Variants in AP2B1 observed in about 807,000 individuals in gnomAD.
AP2B1 encodes AP-2 complex subunit beta.
Under a neutral mutation model 102.0 loss-of-function variants are expected in AP2B1, and 23 were observed. That is an observed-to-expected ratio of 0.23 (90% confidence interval 0.16 to 0.32). AP2B1 has a LOEUF of 0.32. Ranked by LOEUF, AP2B1 falls within the 10% of genes least tolerant of loss-of-function variation. The pLI, the probability that AP2B1 is intolerant of heterozygous loss-of-function variation, is 1.00. For synonymous variants in AP2B1, 381 were observed against 421.2 expected, an observed-to-expected ratio of 0.90 and a Z score of 1.17; for missense variants, 541 against 1,157.4, an observed-to-expected ratio of 0.47 and a Z score of 7.73.
chr17:35,637,690 A>ATTT (rs11398346), intron 10 of AP2B1, among the ~76,000 whole-genome samples: 3 of 145,536 alleles, frequency 2.1e-5, no homozygotes, highest in Non-Finnish European at 3.0e-5. Context: ...CGGTTTCTAA[A>ATTT]TTTTTTTTTT....
At chr17:35,590,296 T>C (rs192989003) in intron 1 of AP2B1, among the ~76,000 whole-genome samples, 57 of 152,338 alleles carry the variant, frequency 3.7e-4, no homozygotes, top group African/African-American at 1.4e-3. Context: ...AGCATGTGAT[T>C]AAGTGTATCT....
At chr17:35,639,495 T>G (rs1013742864) in intron 10 of AP2B1, 100 bp from the exon 11 acceptor site, 2 of 1,012,374 alleles carry the variant, frequency 2.0e-6, no homozygotes. Flanking sequence ...TTTGGTGGTT[T>G]GGTTTAGGGT....
rs1331853196 is a variant in AP2B1, at chr17:35,725,119, T to G, written c.*1420T>G. The G allele has an allele frequency of 6.6e-6, 1 of 152,232 alleles. No individual in the cohort carries two copies. The highest frequency in any genetic ancestry group is 1.5e-5 in the Non-Finnish European group (1 of 68,038). The allele number at this position is 152,232 out of a possible 1,614,324, so 9.4% of individuals were successfully genotyped here. A position where few individuals can be genotyped will look rare whatever the true frequency, so the allele number is the denominator to read the frequency against. On this transcript the variant is annotated 3_prime_UTR_variant, in exon 22 of 22. Transcript: ENST00000610402. ...TCATCCCAGAGGTTCAGGCAGTTCC[T>G]GTCATCTCTGAAAAGACTGGGGGAT...
At chr17:35,638,467 G>C (rs966322219) in intron 10 of AP2B1, among the ~76,000 whole-genome samples, 4 of 152,056 alleles carry the variant, frequency 2.6e-5, no homozygotes, top group Non-Finnish European at 5.9e-5. Context: ...GTCAGTGCAG[G>C]TACCTTTAGA....
At chr17:35,694,058 T>C (rs2076091291) in intron 18 of AP2B1, among the ~76,000 whole-genome samples, 1 of 152,232 alleles carries the variant, frequency 6.6e-6, no homozygotes, top group African/African-American at 2.4e-5. Context: ...TACCCCTGGA[T>C]TGAAAAATCA....
chr17:35,636,492 T>C, intron 10 of AP2B1, 36 bp downstream of exon 10: 1 of 1,523,620 alleles, frequency 6.6e-7, no homozygotes, highest in East Asian at 2.3e-5. Context: ...TTTCTCAAAT[T>C]ACTTAGGAAA....
At chr17:35,687,687 A>G (rs1295143352) in intron 18 of AP2B1, among the ~76,000 whole-genome samples, 1 of 152,002 alleles carries the variant, frequency 6.6e-6, no homozygotes, top group East Asian at 1.9e-4. Context: ...AGTAGCTGGG[A>G]CTACAGGTGT....
intron 1 of AP2B1, among the ~76,000 whole-genome samples, chr17:35,588,119 A>T (rs2072960612): frequency 6.7e-6 from 1 of 149,652 alleles, no homozygotes; most frequent in Non-Finnish European, 1.5e-5. Context: ...GGTTTGGGAA[A>T]GGCTGTAGAT....
At chr17:35,607,990 TA>T (rs2073742989) in intron 4 of AP2B1, 151 bp from the exon 5 acceptor site, 1 of 895,420 alleles carries the variant, frequency 1.1e-6, no homozygotes, top group African/African-American at 1.7e-5. Context: ...GATTTGTACT[TA>T]GGAAAGGAAT....
In AP2B1 at chr17:35,723,884, A is replaced by G; in HGVS notation, c.*185A>G. 2.0e-6 allele frequency: 1 copy of G among 505,278 alleles called. No homozygotes were observed. Among genetic ancestry groups the G allele is most frequent in the Non-Finnish European group, 3.6e-6 (1 of 278,320 alleles). 31.3% of individuals were successfully genotyped at this position (505,278 alleles called of 1,614,324 possible). A position where few individuals can be genotyped will look rare whatever the true frequency, so the allele number is the denominator to read the frequency against. ...TGGATAGTTTTAGCTTCCTGTGAAC[A>G]TTTGTAACCACTGCTTCAGTCACCT... On this transcript the variant is annotated 3_prime_UTR_variant, in exon 22 of 22. Transcript: ENST00000610402.
Position 35,639,779 on chromosome 17 carries a change from T to C in AP2B1, c.1437+19T>C. On this transcript the variant is annotated intron_variant, in intron 11 of 21. Transcript: ENST00000610402. Reference sequence around the variant, plus strand: ...CACCCAGGTAAGTTCTTGTCTCTTGTCTATCCTAGTAGTTTTAGATGTCTT... The same window carrying C: ...CACCCAGGTAAGTTCTTGTCTCTTGCCTATCCTAGTAGTTTTAGATGTCTT... The C allele has an allele frequency of 6.2e-7, 1 of 1,609,546 alleles. No individual in the cohort carries two copies. The highest frequency in any genetic ancestry group is 8.5e-7 in the Non-Finnish European group (1 of 1,177,684).
chr17:35,717,856 A>G (rs898884047), intron 21 of AP2B1, among the ~76,000 whole-genome samples: 4 of 152,226 alleles, frequency 2.6e-5, no homozygotes, highest in Admixed American at 6.5e-5. Flanking sequence ...TTGGAAGCGT[A>G]TAAGGGGACT....
chr17:35,612,555 A>G (rs1053489298), intron 5 of AP2B1, among the ~76,000 whole-genome samples: 1 of 152,232 alleles, frequency 6.6e-6, no homozygotes, highest in Non-Finnish European at 1.5e-5. Flanking sequence ...AGTGCCTTCT[A>G]TGCCATGCAC....
At chr17:35,704,901 C>T (rs989162707) in intron 18 of AP2B1, among the ~76,000 whole-genome samples, 4 of 152,044 alleles carry the variant, frequency 2.6e-5, no homozygotes, top group Non-Finnish European at 5.9e-5. Flanking sequence ...CGTGGTGGCA[C>T]ACGCCTGTAA....
At chr17:35,605,899 C>T in intron 4 of AP2B1, 59 bp downstream of exon 4, 2 of 1,579,794 alleles carry the variant, frequency 1.3e-6, no homozygotes, top group Middle Eastern at 1.7e-4. Context: ...AACCTCTGTT[C>T]ACAAGGAAGG....
At chr17:35,680,962 T>C (rs1441130275) in intron 17 of AP2B1, among the ~76,000 whole-genome samples, 3 of 152,302 alleles carry the variant, frequency 2.0e-5, no homozygotes, top group East Asian at 3.9e-4. Context: ...CCCAAAGTGC[T>C]GAGACTACAA....
chr17:35,633,705 A>G (rs1448492157), intron 9 of AP2B1, among the ~76,000 whole-genome samples: 1 of 152,232 alleles, frequency 6.6e-6, no homozygotes, highest in Non-Finnish European at 1.5e-5. Context: ...TGTATATCTA[A>G]GAGATAAGAT....
chr17:35,622,028 A>G (rs2074193437), intron 5 of AP2B1, among the ~76,000 whole-genome samples: 1 of 152,200 alleles, frequency 6.6e-6, no homozygotes, highest in Non-Finnish European at 1.5e-5. Flanking sequence ...AGGTCAACTA[A>G]GTATGTTGTG....
intron 18 of AP2B1, among the ~76,000 whole-genome samples, chr17:35,697,725 G>A (rs970926006): frequency 6.6e-6 from 1 of 152,262 alleles, no homozygotes; most frequent in African/African-American, 2.4e-5. Context: ...CACTTTGGGA[G>A]GCTGAGGCGG....
Sources: allele counts gnomAD v4.1 joint callset (sites outside exome capture counted in the v4.1 genomes callset), GRCh38; gene constraint gnomAD v4.1.1; transcripts MANE v1.5; gene names NCBI Gene and HGNC (gene_info 2026-07-23, HGNC 2026-07-21).